The following KCNH5 variants were observed in gnomAD, a reference collection of about 807,000 sequenced individuals.
The protein encoded by KCNH5 is voltage-gated delayed rectifier potassium channel KCNH5.
Under a neutral mutation model 96.1 loss-of-function variants are expected in KCNH5, and 46 were observed. That is an observed-to-expected ratio of 0.48 (90% CI 0.38 to 0.61). KCNH5 has a LOEUF of 0.61. Among genes scored for constraint, KCNH5 ranks in the 20% least tolerant of loss-of-function variants. The pLI is 0.00. For missense variants in KCNH5, 907 were observed against 1,225.8 expected (o/e 0.74, Z 3.88); for synonymous variants, 439 against 449.8 (o/e 0.98, Z 0.30).
At chr14:62,974,915 T>C (rs1298771424) in intron 6 of KCNH5, among the ~76,000 whole-genome samples, 2 of 152,158 alleles carry the variant, frequency 1.3e-5, no homozygotes, top group African/African-American at 2.4e-5. Context: ...GGATTTATAA[T>C]CCAGCTGAGG....
intron 10 of KCNH5, among the ~76,000 whole-genome samples, chr14:62,751,893 G>A (rs1288365552): frequency 1.3e-5 from 2 of 152,212 alleles, no homozygotes; most frequent in African/African-American, 4.8e-5. Flanking sequence ...GTTATAAAAT[G>A]TACTCCCAAA....
chr14:62,866,847 T>C (rs1482439151), intron 7 of KCNH5, among the ~76,000 whole-genome samples: 1 of 152,124 alleles, frequency 6.6e-6, no homozygotes, highest in Admixed American at 6.5e-5. Context: ...TAGGTACTCC[T>C]CTCTCAGCTA....
Position 62,757,818 on chromosome 14 carries a change from T to C in KCNH5, c.2019+21910A>G, listed in dbSNP as rs1885656657. Among the ~76,000 whole-genome samples, 3 of 151,834 alleles carry C rather than the reference T, an allele frequency of 2.0e-5. No homozygotes were observed. The South Asian group carries it at 6.2e-4, about 32-fold the overall frequency. ...GAGGCTGGAATGGGTAGTGGGTGGA[T>C]GGGAGGAAAAGTGAAGATGGTTAAT... On this transcript the variant is annotated intron_variant, in intron 10 of 10. Coordinates refer to ENST00000322893, the MANE Select transcript of KCNH5 (RefSeq NM_139318.5).
At chr14:62,946,026 G>T (rs1236481531) in intron 7 of KCNH5, among the ~76,000 whole-genome samples, 2 of 152,048 alleles carry the variant, frequency 1.3e-5, no homozygotes, top group Admixed American at 1.3e-4. Context: ...TAAAGGGGCT[G>T]CTTAAGCTTT....
At position 62,933,739 on chromosome 14, in the gene KCNH5, T is replaced by C. The variant is rs1196607540; in HGVS notation, c.1369+16394A>G. ...TTTCAAAATAAACCTTATAGCGCTA[T>C]TTGGTTCTTTAAACTACATGTATGT... On this transcript the variant is annotated intron_variant, in intron 7 of 10. Transcript: ENST00000322893. 2.0e-5 allele frequency among the ~76,000 whole-genome samples: 3 copies of C among 152,138 alleles called. No homozygotes were observed. In the East Asian group the frequency reaches 5.8e-4, roughly 29 times the overall value.
chr14:62,960,578 T>G (rs1890188294), intron 6 of KCNH5, among the ~76,000 whole-genome samples: 1 of 152,134 alleles, frequency 6.6e-6, no homozygotes, highest in Non-Finnish European at 1.5e-5. Context: ...ATAAGCTCTG[T>G]TTCATAAGCA....
At chr14:62,821,517 T>A (rs748332276) in intron 8 of KCNH5, among the ~76,000 whole-genome samples, 2 of 152,142 alleles carry the variant, frequency 1.3e-5, no homozygotes, top group Non-Finnish European at 2.9e-5. Flanking sequence ...CAAACTATCA[T>A]CTTTTTGAAA....
intron 8 of KCNH5, among the ~76,000 whole-genome samples, chr14:62,805,272 A>G (rs111905260): frequency 3.3e-5 from 5 of 152,290 alleles, no homozygotes; most frequent in African/African-American, 1.2e-4. Flanking sequence ...AGTATTTGCA[A>G]TATTCTCTGT....
intron 3 of KCNH5, among the ~76,000 whole-genome samples, chr14:63,005,373 T>C (rs1445289212): frequency 6.6e-6 from 1 of 152,122 alleles, no homozygotes; most frequent in Non-Finnish European, 1.5e-5. Context: ...ATTCCACAGA[T>C]AAAAAATGTT....
At chr14:62,760,731 A>G (rs1454732750) in intron 10 of KCNH5, among the ~76,000 whole-genome samples, 2 of 152,220 alleles carry the variant, frequency 1.3e-5, no homozygotes, top group East Asian at 3.9e-4. Context: ...GTCTCTGGCT[A>G]CTCAGTAGAA....
At chr14:62,792,319 G>A (rs73273172) in intron 9 of KCNH5, among the ~76,000 whole-genome samples, 4 of 151,434 alleles carry the variant, frequency 2.6e-5, no homozygotes, top group Admixed American at 1.3e-4. Flanking sequence ...GATTTAGCTC[G>A]TAGATTTTTT....
At chr14:62,718,564 G>A (rs957639862) in intron 10 of KCNH5, among the ~76,000 whole-genome samples, 3 of 152,128 alleles carry the variant, frequency 2.0e-5, no homozygotes, top group African/African-American at 7.2e-5. Context: ...AAAATAACAA[G>A]TGTCGGAAGG....
At chr14:62,802,707 T>TAC (rs1886689294) in intron 8 of KCNH5, 126 bp from the exon 9 acceptor site, 3 of 1,170,816 alleles carry the variant, frequency 2.6e-6, no homozygotes, top group Non-Finnish European at 3.6e-6. Flanking sequence ...CCTTGCTGGG[T>TAC]ACTGGGAAGG....
intron 2 of KCNH5, among the ~76,000 whole-genome samples, chr14:63,015,845 A>C (rs566342081): frequency 3.9e-5 from 6 of 151,986 alleles, no homozygotes; most frequent in African/African-American, 1.4e-4. Context: ...TGGTTGAAAA[A>C]ATTAACCTAT....
intron 7 of KCNH5, among the ~76,000 whole-genome samples, chr14:62,899,320 C>T (rs1888875311): frequency 6.6e-6 from 1 of 151,858 alleles, no homozygotes; most frequent in South Asian, 2.1e-4. Context: ...TTTCCAATAA[C>T]CTATGTATGG....
chr14:62,871,150 C>G (rs1239547817), intron 7 of KCNH5, among the ~76,000 whole-genome samples: 1 of 152,120 alleles, frequency 6.6e-6, no homozygotes, highest in African/African-American at 2.4e-5. Flanking sequence ...GGGTATTATT[C>G]AATATTGATT....
chr14:62,758,449 G>A (rs1018951179), intron 10 of KCNH5, among the ~76,000 whole-genome samples: 8 of 152,016 alleles, frequency 5.3e-5, no homozygotes, highest in African/African-American at 9.6e-5. Context: ...AAATTACCCC[G>A]GTGATTTGTA....
intron 4 of KCNH5, among the ~76,000 whole-genome samples, chr14:62,993,275 T>A (rs1351140627): frequency 6.6e-6 from 1 of 152,114 alleles, no homozygotes; most frequent in Non-Finnish European, 1.5e-5. Context: ...TTCTTTTTGC[T>A]TAAGACTACT....
rs139211003 is a variant in KCNH5, at chr14:62,755,362, C to T, written c.2019+24366G>A. On this transcript the variant is annotated intron_variant, in intron 10 of 10. Coordinates refer to ENST00000322893, the MANE Select transcript of KCNH5 (RefSeq NM_139318.5). ...AAATAGATAAATGTCTAGACACATA[C>T]GACCTGCAAATACATTAAACCATAA... 1.3e-3 allele frequency among the ~76,000 whole-genome samples: 205 copies of T among 152,146 alleles called. No homozygotes were observed. In the Middle Eastern group the frequency reaches 0.014, roughly 10 times the overall value.
Sources: gnomAD v4.1 joint callset for allele counts (sites outside exome capture counted in the v4.1 genomes callset) on GRCh38, gnomAD v4.1.1 for gene constraint, MANE v1.5 for transcripts, NCBI Gene and HGNC (gene_info 2026-07-23, HGNC 2026-07-21) for gene names.